The following DLG2 variants were observed in gnomAD, a reference collection of about 807,000 sequenced individuals.
DLG2 encodes discs large MAGUK scaffold protein 2.
A neutral mutation model predicts 132.5 loss-of-function variants in DLG2; 45 were observed. The observed-to-expected ratio is 0.34, with a 90% CI of 0.27 to 0.44. The LOEUF (loss-of-function observed/expected upper bound fraction) is 0.44. Among genes scored for constraint, DLG2 ranks in the 20% least tolerant of loss-of-function variants. DLG2 has a pLI of 1.00. For synonymous variants in DLG2, 424 were observed against 419.6 expected, an observed-to-expected ratio of 1.01 and a Z score of -0.13; for missense variants, 1,045 against 1,196.9, an observed-to-expected ratio of 0.87 and a Z score of 1.87.
In DLG2 at chr11:84,600,235, AC is replaced by A. The variant is rs1328688975; in HGVS notation, c.358-65505del. Among the ~76,000 whole-genome samples, 96 of 105,680 alleles carry A rather than the reference AC, an allele frequency of 9.1e-4. 1 individual carries two copies. The highest frequency in any genetic ancestry group is 7.1e-3 in the South Asian group (21 of 2,946). 69.3% of individuals were successfully genotyped at this position (105,680 alleles called of 152,430 possible). The stretch of plus-strand genomic sequence containing the variant: ...AAGAAAGAAAGAAAGAGAAAGAAAG[AC>A]AGAAAAGCAAGCAAGCAAGCAGGCA... On this transcript the variant is annotated intron_variant, in intron 6 of 27. Transcript: ENST00000376104.
At chr11:83,697,301 T>C (rs906152347) in intron 18 of DLG2, among the ~76,000 whole-genome samples, 4 of 152,214 alleles carry the variant, frequency 2.6e-5, no homozygotes, top group African/African-American at 9.6e-5. Context: ...AAATAACAAA[T>C]ACTTGACCTC....
intron 7 of DLG2, among the ~76,000 whole-genome samples, chr11:84,478,849 C>A (rs1054977871): frequency 1.3e-5 from 2 of 151,988 alleles, no homozygotes; most frequent in Non-Finnish European, 2.9e-5. Context: ...AAACTAGAAT[C>A]TTTGACGTAT....
chr11:84,654,454 A>T (rs1366702365), intron 6 of DLG2, among the ~76,000 whole-genome samples: 3 of 152,158 alleles, frequency 2.0e-5, no homozygotes, highest in Non-Finnish European at 4.4e-5. Flanking sequence ...CCAGTCTTTG[A>T]TCCCTACTTT....
intron 2 of DLG2, among the ~76,000 whole-genome samples, chr11:85,607,061 G>A (rs567707404): frequency 1.2e-4 from 18 of 152,262 alleles, no homozygotes; most frequent in South Asian, 4.1e-4. Context: ...ATCACCTTTC[G>A]CCAAGCAGTG....
intron 17 of DLG2, among the ~76,000 whole-genome samples, chr11:83,826,802 AGAT>A (rs1180266723): frequency 6.6e-6 from 1 of 152,138 alleles, no homozygotes; most frequent in Admixed American, 6.5e-5. Flanking sequence ...CAAGTTTTGA[AGAT>A]GAGAGAAGAG....
intron 3 of DLG2, among the ~76,000 whole-genome samples, chr11:85,494,893 A>AC: frequency 2.0e-5 from 1 of 50,676 alleles, no homozygotes; most frequent in East Asian, 4.9e-4. Flanking sequence ...AAGTGATACC[A>AC]TAAAAAAAAC....
intron 9 of DLG2, among the ~76,000 whole-genome samples, chr11:84,113,853 C>A (rs1187470052): frequency 6.6e-6 from 1 of 152,020 alleles, no homozygotes; most frequent in Non-Finnish European, 1.5e-5. Context: ...TGCAGCTAAA[C>A]TTTAAAGAAT....
At chr11:85,068,362 T>C (rs1036735196) in intron 6 of DLG2, among the ~76,000 whole-genome samples, 4 of 152,086 alleles carry the variant, frequency 2.6e-5, no homozygotes, top group Non-Finnish European at 5.9e-5. Context: ...AGTCAAAGTG[T>C]CCCTGTTTGC....
chr11:85,403,173 T>C (rs2088346728), intron 3 of DLG2, among the ~76,000 whole-genome samples: 1 of 152,156 alleles, frequency 6.6e-6, no homozygotes, highest in South Asian at 2.1e-4. Context: ...TAAAAATGGA[T>C]GAGTTATTGT....
intron 7 of DLG2, among the ~76,000 whole-genome samples, chr11:84,339,915 C>T (rs2098506343): frequency 6.6e-6 from 1 of 152,104 alleles, no homozygotes; most frequent in Admixed American, 6.6e-5. Flanking sequence ...TTAATTTCTT[C>T]AGTATCAGTA....
At chr11:85,255,715 T>C (rs2076633288) in intron 4 of DLG2, among the ~76,000 whole-genome samples, 1 of 152,222 alleles carries the variant, frequency 6.6e-6, no homozygotes. Context: ...ATTATATGTT[T>C]GGTCTTTGCA....
chr11:83,766,659 G>A (rs1416381572), intron 18 of DLG2, among the ~76,000 whole-genome samples: 2 of 151,932 alleles, frequency 1.3e-5, no homozygotes, highest in Admixed American at 6.6e-5. Flanking sequence ...TATTAGCAAT[G>A]CTTTTGTTTG....
chr11:83,777,504 T>A (rs1382890489), intron 18 of DLG2, among the ~76,000 whole-genome samples: 1 of 152,236 alleles, frequency 6.6e-6, no homozygotes, highest in Admixed American at 6.5e-5. Context: ...TACATTACTT[T>A]CCTTCAGCCT....
chr11:85,166,297 C>T (rs2078438250), intron 4 of DLG2, among the ~76,000 whole-genome samples: 2 of 152,132 alleles, frequency 1.3e-5, no homozygotes, highest in South Asian at 4.1e-4. Flanking sequence ...AATGATTCTT[C>T]ATCTAGGCTT....
intron 3 of DLG2, among the ~76,000 whole-genome samples, chr11:85,546,534 T>A (rs891913451): frequency 5.9e-5 from 9 of 152,180 alleles, no homozygotes; most frequent in Non-Finnish European, 1.5e-5. Context: ...TGAGTTCACG[T>A]CCTGGATATC....
chr11:85,027,531 C>T (rs1373675571), intron 6 of DLG2, among the ~76,000 whole-genome samples: 1 of 152,208 alleles, frequency 6.6e-6, no homozygotes, highest in Non-Finnish European at 1.5e-5. Context: ...CTCGATCTCA[C>T]ACCTGCCAAG....
Position 84,154,129 on chromosome 11 carries a change from C to G in DLG2, c.624+9332G>C, listed in dbSNP as rs752109769. 4.6e-4 allele frequency among the ~76,000 whole-genome samples: 70 copies of G among 152,282 alleles called. 1 individual carries two copies. Among genetic ancestry groups the G allele is most frequent in the Non-Finnish European group, 3.7e-4 (25 of 68,030 alleles). ...TCTCATGTCTCCGCCTCCCAAGTAG[C>G]TGGGACTACAGGCACACGCCAACAT... On this transcript the variant is annotated intron_variant, in intron 9 of 27. Coordinates refer to ENST00000376104, the MANE Select transcript of DLG2 (RefSeq NM_001142699.3).
intron 6 of DLG2, among the ~76,000 whole-genome samples, chr11:84,556,763 A>G (rs1371141444): frequency 6.6e-6 from 1 of 152,184 alleles, no homozygotes; most frequent in Non-Finnish European, 1.5e-5. Context: ...CTCATTATGG[A>G]ATCATTCATG....
At chr11:85,607,164 C>G (rs1346538473) in intron 2 of DLG2, among the ~76,000 whole-genome samples, 1 of 152,166 alleles carries the variant, frequency 6.6e-6, no homozygotes, top group Non-Finnish European at 1.5e-5. Flanking sequence ...GGGCTAAATA[C>G]CAGACACCTA....
Sources: gnomAD v4.1 joint callset for allele counts (sites outside exome capture counted in the v4.1 genomes callset) on GRCh38, gnomAD v4.1.1 for gene constraint, MANE v1.5 for transcripts, NCBI Gene and HGNC (gene_info 2026-07-23, HGNC 2026-07-21) for gene names.